Variants in C13orf46 observed in about 807,000 individuals in gnomAD.
C13orf46 encodes the protein chromosome 13 open reading frame 46.
At chr13:113,957,578 G>A (rs1369840737) in intron 6 of C13orf46, among the ~76,000 whole-genome samples, 1 of 140,682 alleles carries the variant, frequency 7.1e-6, no homozygotes, top group East Asian at 2.2e-4. Context: ...CGCACTGGGG[G>A]GTCTCCCCTG....
chr13:113,945,624 GAAA>G, the C13orf46 span, among the ~76,000 whole-genome samples: 7 of 126,324 alleles, frequency 5.5e-5, no homozygotes, highest in African/African-American at 2.1e-4. Context: ...AAGAAAGAAA[GAAA>G]GAAAGAAAGA....
the C13orf46 span, among the ~76,000 whole-genome samples, chr13:113,938,725 C>T: frequency 2.6e-5 from 4 of 152,316 alleles, no homozygotes; most frequent in East Asian, 1.9e-4. Context: ...TCCACACGTC[C>T]GCCGTGAACT....
At chr13:113,963,973 C>T (rs947789313) in intron 6 of C13orf46, among the ~76,000 whole-genome samples, 2 of 152,154 alleles carry the variant, frequency 1.3e-5, no homozygotes, top group African/African-American at 4.8e-5. Context: ...GCCTCGGCCT[C>T]CCTAGTAGCT....
chr13:113,940,542 GTCTCTGGGACTC>G, the C13orf46 span, among the ~76,000 whole-genome samples: 15 of 111,522 alleles, frequency 1.3e-4, no homozygotes, highest in African/African-American at 2.0e-4. Flanking sequence ...CGAGACCCTG[GTCTCTGGGACTC>G]CATGTGTGAG....
the C13orf46 span, among the ~76,000 whole-genome samples, chr13:113,929,638 C>T: frequency 7.2e-5 from 11 of 152,322 alleles, no homozygotes; most frequent in South Asian, 2.1e-4. Flanking sequence ...TGGGTGAAGT[C>T]GCGCTGTGAG....
chr13:113,957,716 A>C, intron 6 of C13orf46, among the ~76,000 whole-genome samples: 1 of 117,646 alleles, frequency 8.5e-6, no homozygotes, highest in Non-Finnish European at 1.7e-5. Context: ...CATCAAGCAC[A>C]CTGGGGGTCT....
the C13orf46 span, among the ~76,000 whole-genome samples, chr13:113,947,812 C>G: frequency 6.6e-6 from 1 of 152,346 alleles, no homozygotes; most frequent in East Asian, 1.9e-4. Context: ...ACACTTCCCC[C>G]CAGACACTCA....
the C13orf46 span, among the ~76,000 whole-genome samples, chr13:113,930,341 T>C: frequency 6.5e-4 from 89 of 137,134 alleles, no homozygotes; most frequent in African/African-American, 2.4e-3. Context: ...GGGGTGGGAG[T>C]GGAGGAGCAC....
chr13:113,946,696 C>T, the C13orf46 span, among the ~76,000 whole-genome samples: 2 of 152,250 alleles, frequency 1.3e-5, no homozygotes, highest in Non-Finnish European at 2.9e-5. Context: ...ATCGTCAGGC[C>T]ACGCTGGCTG....
rs1429835942 is a variant in C13orf46 at position 113,956,140 on chromosome 13, G to A, written c.*633C>T. ...GAGTAGGATCTGGCGGAGAGGAGGAGTAGTATTTGGCGAAGAGGAGGAGCA... is the reference window on the plus strand; with the variant it reads ...GAGTAGGATCTGGCGGAGAGGAGGAATAGTATTTGGCGAAGAGGAGGAGCA... On this transcript the variant is annotated 3_prime_UTR_variant, in exon 7 of 7. Transcript: ENST00000636427. The A allele has an allele frequency of 1.3e-5, 2 of 155,752 alleles. No individual in the cohort carries two copies. The highest frequency in any genetic ancestry group is 2.8e-5 in the Non-Finnish European group (2 of 71,530). The allele number at this position is 155,752 out of a possible 1,614,324, so 9.6% of individuals were successfully genotyped here.
intron 6 of C13orf46, among the ~76,000 whole-genome samples, chr13:113,958,240 C>A (rs1351392790): frequency 6.6e-6 from 1 of 151,848 alleles, no homozygotes; most frequent in African/African-American, 2.4e-5. Flanking sequence ...CACCCCCTTT[C>A]ATCAAGTGCA....
chr13:113,937,349 C>A, the C13orf46 span, among the ~76,000 whole-genome samples: 1 of 152,218 alleles, frequency 6.6e-6, no homozygotes, highest in Admixed American at 6.5e-5. Flanking sequence ...ATGGCTCCTA[C>A]AATCTCAAGC....
At chr13:113,965,635 G>A (rs1178362928) in intron 5 of C13orf46, among the ~76,000 whole-genome samples, 1 of 151,714 alleles carries the variant, frequency 6.6e-6, no homozygotes, top group Non-Finnish European at 1.5e-5. Flanking sequence ...GATGATGACA[G>A]TGATGATGAT....
At chr13:113,948,870 C>G (rs1036715582), downstream of C13orf46, among the ~76,000 whole-genome samples, 1 of 152,208 alleles carries the variant, frequency 6.6e-6, no homozygotes, top group African/African-American at 2.4e-5. Context: ...CTCCTTAAAT[C>G]TTTGGAATTT....
chr13:113,930,324 G>A, the C13orf46 span, among the ~76,000 whole-genome samples: 1 of 152,100 alleles, frequency 6.6e-6, no homozygotes. Context: ...GAGGTGGAAG[G>A]AGCACCGGGG....
At chr13:113,932,317 T>G in the C13orf46 span, among the ~76,000 whole-genome samples, 1 of 152,348 alleles carries the variant, frequency 6.6e-6, no homozygotes, top group South Asian at 2.1e-4. Context: ...AACCGTTCCC[T>G]GTGGTTCTTG....
At chr13:113,971,287 C>T (rs1175603731) in intron 1 of C13orf46, among the ~76,000 whole-genome samples, 2 of 152,208 alleles carry the variant, frequency 1.3e-5, no homozygotes, top group Non-Finnish European at 2.9e-5. Context: ...TCCCAGAGCT[C>T]GGCAGAGTCA....
downstream of C13orf46, among the ~76,000 whole-genome samples, chr13:113,948,804 T>C (rs948086948): frequency 0.018 from 2,669 of 152,350 alleles, 31 homozygotes; most frequent in Middle Eastern, 0.061. Flanking sequence ...AAGAGATTTG[T>C]ATTGTGGTAT....
At chr13:113,958,748 C>G (rs1194820429) in intron 6 of C13orf46, among the ~76,000 whole-genome samples, 1 of 152,174 alleles carries the variant, frequency 6.6e-6, no homozygotes, top group Non-Finnish European at 1.5e-5. Flanking sequence ...ATCATCGTGC[C>G]CATGAAGGGA....
Sources: allele counts gnomAD v4.1 joint callset (sites outside exome capture counted in the v4.1 genomes callset), GRCh38; gene constraint gnomAD v4.1.1; transcripts MANE v1.5; gene names NCBI Gene and HGNC (gene_info 2026-07-23, HGNC 2026-07-21).